The following UGGT2 variants were observed in gnomAD, a reference collection of about 807,000 sequenced individuals.
The protein encoded by UGGT2 is UDP-glucose:glycoprotein glucosyltransferase 2.
In UGGT2, 180 loss-of-function variants were observed where a neutral mutation model predicts 192.1. The ratio of observed to expected loss-of-function variants is 0.94; its 90% CI spans 0.83 to 1.06. UGGT2 has a LOEUF of 1.06. UGGT2 is among the 50% of genes least tolerant of loss of function. The pLI is 0.00. For synonymous variants in UGGT2, 580 were observed against 591.0 expected (o/e 0.98, Z 0.27); for missense variants, 1,849 against 1,795.7 (o/e 1.03, Z -0.54).
chr13:95,906,088 T>C, intron 20 of UGGT2, among the ~76,000 whole-genome samples: 1 of 152,214 alleles, frequency 6.6e-6, no homozygotes, highest in East Asian at 1.9e-4. Flanking sequence ...TGATATCCAG[T>C]AAAGCAATTA....
At chr13:95,839,342 G>A (rs956135898) in intron 36 of UGGT2, among the ~76,000 whole-genome samples, 1 of 151,946 alleles carries the variant, frequency 6.6e-6, no homozygotes, top group African/African-American at 2.4e-5. Flanking sequence ...TCTACTTTCT[G>A]TCTCTACGAA....
chr13:96,033,087 G>T (rs1231211695), intron 1 of UGGT2, among the ~76,000 whole-genome samples: 1 of 152,160 alleles, frequency 6.6e-6, no homozygotes, highest in Non-Finnish European at 1.5e-5. Context: ...GCTAACAAGG[G>T]AAGTGAAGGA....
At chr13:95,887,543 G>T (rs1007242187) in intron 26 of UGGT2, 3 of 303,192 alleles carry the variant, frequency 9.9e-6, no homozygotes, top group East Asian at 1.6e-4. Flanking sequence ...ATATAATAAA[G>T]ATCATTTTGG....
At chr13:95,994,398 C>A (rs2051553246) in intron 7 of UGGT2, among the ~76,000 whole-genome samples, 1 of 151,650 alleles carries the variant, frequency 6.6e-6, no homozygotes, top group African/African-American at 2.4e-5. Context: ...TATTAGCTAA[C>A]ATTATTACAA....
chr13:95,972,696 T>C, intron 10 of UGGT2, 25 bp from the exon 11 acceptor site: 1 of 1,550,364 alleles, frequency 6.5e-7, no homozygotes, highest in Admixed American at 1.7e-5. Flanking sequence ...AAGCAATAGT[T>C]AACCAGTGAT....
intron 36 of UGGT2, among the ~76,000 whole-genome samples, chr13:95,849,119 ATTCT>A (rs1248706926): frequency 2.0e-5 from 3 of 152,184 alleles, no homozygotes; most frequent in Non-Finnish European, 4.4e-5. Flanking sequence ...TATAGATTAT[ATTCT>A]TAAATCTACA....
intron 4 of UGGT2, among the ~76,000 whole-genome samples, chr13:96,020,462 GAC>G (rs1479826272): frequency 6.6e-6 from 1 of 152,156 alleles, no homozygotes; most frequent in Non-Finnish European, 1.5e-5. Flanking sequence ...GTCTCTGAAT[GAC>G]AGTTTCCCTC....
At chr13:95,897,308 A>T (rs1055500378) in intron 22 of UGGT2, among the ~76,000 whole-genome samples, 1 of 152,032 alleles carries the variant, frequency 6.6e-6, no homozygotes, top group Non-Finnish European at 1.5e-5. Context: ...TAAAACAAAA[A>T]AAAGACCCTG....
intron 22 of UGGT2, among the ~76,000 whole-genome samples, chr13:95,897,755 C>G (rs2047987807): frequency 6.6e-6 from 1 of 152,118 alleles, no homozygotes; most frequent in Admixed American, 6.6e-5. Flanking sequence ...TCTATTAAAA[C>G]CACAGTTATA....
chr13:95,891,912 CATTTT>C, intron 24 of UGGT2, among the ~76,000 whole-genome samples: 1 of 152,134 alleles, frequency 6.6e-6, no homozygotes. Flanking sequence ...AACTGCAAGA[CATTTT>C]ATTTTCTAGG....
chr13:95,856,459 G>A, intron 33 of UGGT2, 119 bp from the exon 34 acceptor site: 2 of 953,664 alleles, frequency 2.1e-6, no homozygotes, highest in Non-Finnish European at 3.1e-6. Flanking sequence ...TAATAGGCAA[G>A]ATGTCTAAAT....
rs889118237 is a variant in UGGT2 at position 95,884,475 on chromosome 13, A to G, written c.3228+16T>C. 23 of 1,593,968 alleles carry G rather than the reference A, an allele frequency of 1.4e-5. No individual in the cohort carries two copies. Among genetic ancestry groups the G allele is most frequent in the Non-Finnish European group, 1.8e-5 (21 of 1,169,930 alleles). The stretch of plus-strand genomic sequence containing the variant: ...CCTGTTTCTCTCTCTTTATATGACT[A>G]TACACAATAACTTACATCCTTTAAG... On this transcript the variant is annotated intron_variant, in intron 27 of 38. Coordinates refer to ENST00000376747, the MANE Select transcript of UGGT2 (RefSeq NM_020121.4).
At chr13:95,975,381 T>C (rs916477769) in intron 10 of UGGT2, among the ~76,000 whole-genome samples, 4 of 152,096 alleles carry the variant, frequency 2.6e-5, no homozygotes, top group Non-Finnish European at 5.9e-5. Context: ...AGTAACAGCA[T>C]AGAAATTTGT....
At position 95,802,517 on chromosome 13, in the gene UGGT2, A is replaced by G. The variant is rs370109481; in HGVS notation, c.4529-705T>C. Among the ~76,000 whole-genome samples the G allele has an allele frequency of 6.1e-4, 93 of 152,360 alleles. 1 individual carries two copies. In the South Asian group the frequency reaches 0.018, roughly 30 times the overall value. On this transcript the variant is annotated intron_variant, in intron 38 of 38. Coordinates refer to ENST00000376747, the MANE Select transcript of UGGT2 (RefSeq NM_020121.4). ...GAAAAACAATAATGAGAACGAGGGAAGTGGTTACAAGACACTTGTTGGGGC... is the reference window on the plus strand; with the variant it reads ...GAAAAACAATAATGAGAACGAGGGAGGTGGTTACAAGACACTTGTTGGGGC...
Position 95,980,081 on chromosome 13 carries a change from T to G in UGGT2, c.1092+3723A>C, listed in dbSNP as rs915545990. On this transcript the variant is annotated intron_variant, in intron 10 of 38. Transcript: ENST00000376747. ...CTAGTACAATCACTATGGAAAACAA[T>G]GTGGAGATTCGTAAAAGCAGATCTA... Among the ~76,000 whole-genome samples the G allele has an allele frequency of 3.3e-5, 5 of 152,270 alleles. No homozygotes were observed. The East Asian group carries it at 9.6e-4, about 29-fold the overall frequency.
intron 13 of UGGT2, 132 bp from the exon 14 acceptor site, chr13:95,948,213 A>C (rs1162718894): frequency 5.9e-6 from 3 of 510,988 alleles, no homozygotes; most frequent in Non-Finnish European, 1.1e-5. Context: ...AGCAATTCTA[A>C]GGAATACACA....
chr13:95,859,417 T>G (rs1230075265), intron 33 of UGGT2, among the ~76,000 whole-genome samples, 174 bp downstream of exon 33: 1 of 152,162 alleles, frequency 6.6e-6, no homozygotes, highest in African/African-American at 2.4e-5. Context: ...TCCTCTCCTT[T>G]GAACATCTCT....
intron 10 of UGGT2, among the ~76,000 whole-genome samples, chr13:95,973,141 G>A (rs1228339175): frequency 6.6e-6 from 1 of 152,064 alleles, no homozygotes; most frequent in African/African-American, 2.4e-5. Context: ...TTGCACTCCA[G>A]CCTGGGCAAC....
chr13:95,944,349 T>C (rs1224189360), intron 15 of UGGT2, among the ~76,000 whole-genome samples: 6 of 152,102 alleles, frequency 3.9e-5, no homozygotes, highest in Admixed American at 3.9e-4. Context: ...GAATATTTGG[T>C]AGAATTTGCT....
Sources: gnomAD v4.1 joint callset for allele counts (sites outside exome capture counted in the v4.1 genomes callset) on GRCh38, gnomAD v4.1.1 for gene constraint, MANE v1.5 for transcripts, NCBI Gene and HGNC (gene_info 2026-07-23, HGNC 2026-07-21) for gene names.